NPC1: variants seen among roughly 807,000 people sequenced by gnomAD.
NPC1 encodes the protein Niemann-Pick C1 protein.
In NPC1, 85 loss-of-function variants were observed where a neutral mutation model predicts 140.4. The observed-to-expected ratio is 0.61, with a 90% CI of 0.51 to 0.72. NPC1 has a LOEUF of 0.72. Ranked by LOEUF, NPC1 falls within the 30% of genes least tolerant of loss-of-function variation. The pLI, the probability that NPC1 is intolerant of heterozygous loss-of-function variation, is 0.00. For synonymous variants in NPC1, 656 were observed against 624.8 expected (o/e 1.05, Z -0.74); for missense variants, 1,504 against 1,623.8 (o/e 0.93, Z 1.27).
chr18:23,532,391 G>A, intron 24 of NPC1, 107 bp from the exon 25 acceptor site: 1 of 1,235,414 alleles, frequency 8.1e-7, no homozygotes, highest in Non-Finnish European at 1.2e-6. Context: ...TGAGGCAGGA[G>A]AATTGCTTGA....
At chr18:23,514,031 T>C (rs2057933590) in intron 3 of NPC1, among the ~76,000 whole-genome samples, 1 of 152,254 alleles carries the variant, frequency 6.6e-6, no homozygotes, top group African/African-American at 2.4e-5. Flanking sequence ...TTTCATCTGT[T>C]CCAGCTTCCT....
chr18:23,561,263 C>T, intron 5 of NPC1, 97 bp downstream of exon 5: 2 of 1,270,128 alleles, frequency 1.6e-6, no homozygotes, highest in Non-Finnish European at 2.3e-6. Flanking sequence ...TCTCTTGCCT[C>T]AGTCTCCCCA....
At position 23,545,038 on chromosome 18, in the gene NPC1, G is replaced by C. The variant is rs1359876392; in HGVS notation, c.1869C>G (p.Thr623=). The C allele has an allele frequency of 6.3e-7, 1 of 1,597,628 alleles. No individual in the cohort carries two copies. The highest frequency in any genetic ancestry group is 1.1e-5 in the South Asian group (1 of 90,790). Residue 623 remains threonine, a synonymous_variant, in exon 12 of 25, where the codon ACC becomes ACG. Coordinates refer to ENST00000269228, the MANE Select transcript of NPC1 (RefSeq NM_000271.5). ...LNRESDSDVF[T]VVISYAIMFL... The stretch of plus-strand genomic sequence containing the variant: ...ACATGATGGCATAGCTAATTACAAC[G>C]GTGAAGACATCACTGTCACTTTCAC...
chr18:23,516,431 C>T (rs780557357), intron 3 of NPC1: 22 of 1,612,168 alleles, frequency 1.4e-5, no homozygotes, highest in African/African-American at 2.7e-5. Flanking sequence ...CATGTATGTC[C>T]GTGTCAGAGA....
At chr18:23,513,120 A>C (rs1252137218) in intron 3 of NPC1, among the ~76,000 whole-genome samples, 2 of 151,844 alleles carry the variant, frequency 1.3e-5, no homozygotes, top group Non-Finnish European at 2.9e-5. Context: ...CGCCTGGCTA[A>C]TTTTTGTATT....
chr18:23,551,164 G>T (rs1385709038), intron 10 of NPC1, among the ~76,000 whole-genome samples: 3 of 152,202 alleles, frequency 2.0e-5, no homozygotes, highest in Non-Finnish European at 4.4e-5. Flanking sequence ...CACACTGTAA[G>T]AGTGTCCAAA....
intron 3 of NPC1, among the ~76,000 whole-genome samples, chr18:23,569,599 G>T (rs926018456): frequency 6.6e-6 from 1 of 152,156 alleles, no homozygotes; most frequent in Non-Finnish European, 1.5e-5. Context: ...TGGGATTATC[G>T]ACATGAGCGC....
chr18:23,516,255 C>T, intron 3 of NPC1: 1 of 1,549,000 alleles, frequency 6.5e-7, no homozygotes, highest in East Asian at 2.2e-5. Flanking sequence ...TGGTTTTACA[C>T]AGGGAATGAT....
At chr18:23,523,555 A>G (rs992868753) in intron 1 of NPC1, among the ~76,000 whole-genome samples, 4 of 112,858 alleles carry the variant, frequency 3.5e-5, no homozygotes, top group Admixed American at 1.8e-4. Flanking sequence ...AAAAAAAAAA[A>G]AAAAAAAAAA....
chr18:23,573,995 C>T (rs2059239839), intron 1 of NPC1, among the ~76,000 whole-genome samples: 3 of 152,144 alleles, frequency 2.0e-5, no homozygotes, highest in Non-Finnish European at 4.4e-5. Flanking sequence ...AATATCAATA[C>T]ATCATGAGTA....
At chr18:23,561,230 TG>T (rs2059033841) in intron 5 of NPC1, 129 bp downstream of exon 5, 2 of 935,664 alleles carry the variant, frequency 2.1e-6, no homozygotes, top group Non-Finnish European at 3.5e-6. Flanking sequence ...CAGGCTGGTC[TG>T]GAACTCCTGG....
In NPC1 at chr18:23,539,394, G is replaced by A. The variant is rs759826138; in HGVS notation, c.2872C>T (p.Arg958Ter). The change falls in exon 19 of 25, where the codon CGA becomes TGA. Residue 958 changes from arginine to a stop codon, truncating the protein, a stop_gained. Coordinates refer to ENST00000269228, the MANE Select transcript of NPC1 (RefSeq NM_000271.5). LOFTEE classifies it high-confidence loss of function. Reference sequence around the variant, plus strand: ...AACTGGTCAGTGATATTGTCCACTCGACAGCAAGACGACTGTGGCTTCACC... The same window carrying A: ...AACTGGTCAGTGATATTGTCCACTCAACAGCAAGACGACTGTGGCTTCACC... ...DWVKPQSSCC[R>*]VDNITDQFCN... 3.1e-6 allele frequency: 5 copies of A among 1,613,980 alleles called. No homozygotes were observed. The highest frequency in any genetic ancestry group is 3.3e-5 in the Admixed American group (2 of 60,016).
intron 6 of NPC1, among the ~76,000 whole-genome samples, chr18:23,559,226 G>A (rs573770812): frequency 4.2e-4 from 64 of 152,198 alleles, no homozygotes; most frequent in African/African-American, 1.4e-3. Context: ...ATAATCCTTT[G>A]GGTATATACC....
At chr18:23,559,630 C>A (rs1056317443) in intron 6 of NPC1, among the ~76,000 whole-genome samples, 7 of 151,124 alleles carry the variant, frequency 4.6e-5, no homozygotes, top group African/African-American at 1.5e-4. Flanking sequence ...AGCCACTGAG[C>A]CTGGCCTTGA....
intron 1 of NPC1, among the ~76,000 whole-genome samples, chr18:23,523,404 G>A (rs531863452): frequency 6.6e-6 from 1 of 151,944 alleles, no homozygotes; most frequent in South Asian, 2.1e-4. Flanking sequence ...ATGGATAATC[G>A]AACTAATTAT....
Position 23,535,456 on chromosome 18 carries a change from T to A in NPC1, c.3477+13A>T, listed in dbSNP as rs747652954. Reference sequence around the variant, plus strand: ...AGGAGCTAGGGACAAACTGAGACTGTATGAGGACTCACCATCACCAGGTTG... The same window carrying A: ...AGGAGCTAGGGACAAACTGAGACTGAATGAGGACTCACCATCACCAGGTTG... On this transcript the variant is annotated intron_variant, in intron 22 of 24. Transcript: ENST00000269228. 6.3e-7 allele frequency: 1 copy of A among 1,577,332 alleles called. No homozygotes were observed. Among genetic ancestry groups the A allele is most frequent in the Admixed American group, 1.7e-5 (1 of 58,976 alleles).
At chr18:23,513,793 T>C (rs566735756) in intron 3 of NPC1, among the ~76,000 whole-genome samples, 1 of 152,352 alleles carries the variant, frequency 6.6e-6, no homozygotes, top group African/African-American at 2.4e-5. Context: ...TTGAGCACTT[T>C]TGTGTGTGTG....
intron 3 of NPC1, among the ~76,000 whole-genome samples, chr18:23,513,154 A>G (rs1342313865): frequency 2.0e-5 from 3 of 152,042 alleles, no homozygotes; most frequent in Admixed American, 1.3e-4. Flanking sequence ...GGATTTCACC[A>G]TGTTGGCCAA....
intron 11 of NPC1, among the ~76,000 whole-genome samples, chr18:23,546,727 C>T (rs1308009842): frequency 6.6e-6 from 1 of 152,120 alleles, no homozygotes; most frequent in Non-Finnish European, 1.5e-5. Context: ...ATATTATGTT[C>T]AATGATAGCC....
Sources: allele counts gnomAD v4.1 joint callset (sites outside exome capture counted in the v4.1 genomes callset), GRCh38; gene constraint gnomAD v4.1.1; transcripts MANE v1.5; gene names NCBI Gene and HGNC (gene_info 2026-07-23, HGNC 2026-07-21).